ST6GALNAC2: variants seen among roughly 807,000 people sequenced by gnomAD.
ST6GALNAC2 encodes the protein ST6 N-acetylgalactosaminide alpha-2,6-sialyltransferase 2, also known as alpha-N-acetylgalactosaminide alpha-2,6-sialyltransferase 2.
A neutral mutation model predicts 38.7 loss-of-function variants in ST6GALNAC2; 42 were observed. That is an observed-to-expected ratio of 1.09 (90% CI 0.85 to 1.40). The LOEUF is 1.40. Ranked by LOEUF, ST6GALNAC2 falls within the 40% of genes most tolerant of loss-of-function variation. The probability of loss-of-function intolerance (pLI) is 0.00; values close to 1 mark genes in which losing one functional copy is unlikely to be tolerated. For synonymous variants in ST6GALNAC2, 233 were observed against 209.0 expected, an observed-to-expected ratio of 1.11 and a Z score of -0.99; for missense variants, 506 against 481.7, an observed-to-expected ratio of 1.05 and a Z score of -0.47.
intron 1 of ST6GALNAC2, among the ~76,000 whole-genome samples, chr17:76,582,790 C>G (rs2075495431): frequency 6.6e-6 from 1 of 152,146 alleles, no homozygotes; most frequent in Non-Finnish European, 1.5e-5. Flanking sequence ...GCTCATGTGG[C>G]CTGCCGGCTC....
intron 2 of ST6GALNAC2, among the ~76,000 whole-genome samples, chr17:76,575,693 C>T (rs2075408125): frequency 6.6e-6 from 1 of 152,082 alleles, no homozygotes; most frequent in African/African-American, 2.4e-5. Flanking sequence ...AGGAACACAG[C>T]ACCTCTGTAC....
In ST6GALNAC2 at chr17:76,567,526, G is replaced by T; in HGVS notation, c.884C>A (p.Thr295Lys). 1 of 1,613,788 alleles carries T rather than the reference G, an allele frequency of 6.2e-7. No homozygotes were observed. The change falls in exon 8 of 9, where the codon ACA becomes AAA. Residue 295 changes from threonine to lysine, a missense_variant. By Grantham distance (78) the Thr-to-Lys change is moderately conservative (BLOSUM62 -1). Transcript: ENST00000225276. ...ERFLKSKLIN[T>K]HFGDLYMPST... ...AGGCATATATAGGTCTCCAAAATGT[G>T]TGTTAATCAACTTTGATTTCAAGAA...
Position 76,572,625 on chromosome 17 carries a change from C to T in ST6GALNAC2, c.669+12G>A, listed in dbSNP as rs367862563. On this transcript the variant is annotated intron_variant, in intron 5 of 8. Coordinates refer to ENST00000225276, the MANE Select transcript of ST6GALNAC2 (RefSeq NM_006456.3). The stretch of plus-strand genomic sequence containing the variant: ...TTGTCAACCACAATGGCATGCCCGC[C>T]AGAGGCCTCACCTGTCCTTGTGGCA... The T allele has an allele frequency of 1.2e-4, 194 of 1,613,784 alleles. No individual in the cohort carries two copies. The highest frequency in any genetic ancestry group is 1.6e-4 in the Non-Finnish European group (189 of 1,179,962).
intron 7 of ST6GALNAC2, chr17:76,568,262 A>C: frequency 5.7e-6 from 1 of 176,734 alleles, no homozygotes; most frequent in Non-Finnish European, 1.2e-5. Flanking sequence ...CCCTTGTGAC[A>C]ACCCCAGACG....
At chr17:76,572,848 C>T in intron 4 of ST6GALNAC2, 73 bp from the exon 5 acceptor site, 1 of 1,565,146 alleles carries the variant, frequency 6.4e-7, no homozygotes, top group South Asian at 1.1e-5. Context: ...CTCCACGGCT[C>T]TGCCTGGCCT....
intron 5 of ST6GALNAC2, 189 bp from the exon 6 acceptor site, chr17:76,570,857 G>T (rs2075345742): frequency 1.7e-6 from 1 of 572,418 alleles, no homozygotes; most frequent in African/African-American, 1.9e-5. Context: ...GCTCCTTCAG[G>T]AGGTGGCACC....
intron 2 of ST6GALNAC2, among the ~76,000 whole-genome samples, chr17:76,574,923 G>A (rs908599944): frequency 2.6e-4 from 39 of 152,138 alleles, no homozygotes; most frequent in Middle Eastern, 6.8e-3. Flanking sequence ...TGATCCACCC[G>A]CCTCGGCCTC....
rs1053392 is a variant in ST6GALNAC2, at chr17:76,566,087, G to C, written c.*17C>G. The C allele has an allele frequency of 7.9e-3, 12,707 of 1,602,114 alleles. 838 individuals carry two copies. In the African/African-American group the frequency reaches 0.15, roughly 18 times the overall value. ...GGCCGCAACTCTTGAAGAAGCAAAGGGCTCAGTGCATTGGGGTCAGCGCTG... is the reference window on the plus strand; with the variant it reads ...GGCCGCAACTCTTGAAGAAGCAAAGCGCTCAGTGCATTGGGGTCAGCGCTG... On this transcript the variant is annotated 3_prime_UTR_variant, in exon 9 of 9. Coordinates refer to ENST00000225276, the MANE Select transcript of ST6GALNAC2 (RefSeq NM_006456.3).
At position 76,566,030 on chromosome 17, in the gene ST6GALNAC2, TAAA is replaced by T. The variant is rs965203963; in HGVS notation, c.*71_*73del. The T allele has an allele frequency of 8.7e-6, 13 of 1,502,628 alleles. No homozygotes were observed. The highest frequency in any genetic ancestry group is 1.1e-5 in the Non-Finnish European group (12 of 1,115,680). 93.1% of individuals were successfully genotyped at this position (1,502,628 alleles called of 1,614,324 possible). On this transcript the variant is annotated 3_prime_UTR_variant, in exon 9 of 9. Coordinates refer to ENST00000225276, the MANE Select transcript of ST6GALNAC2 (RefSeq NM_006456.3). ...CAAGGGAAGGTGAAGATTGAAAAGT[TAAA>T]AAAGCTTTTGGCCACTTGAGAGGAT...
In ST6GALNAC2 at chr17:76,580,748, A is replaced by C. The variant is rs1445927240; in HGVS notation, c.126-1932T>G. 2.0e-5 allele frequency among the ~76,000 whole-genome samples: 3 copies of C among 151,942 alleles called. No individual in the cohort carries two copies. In the East Asian group the frequency reaches 5.8e-4, roughly 29 times the overall value. On this transcript the variant is annotated intron_variant, in intron 1 of 8. Transcript: ENST00000225276. The stretch of plus-strand genomic sequence containing the variant: ...AAAAAAAAGAGTGAAAGTTTGTCTC[A>C]AAAAGAAAATAAAAGAAAAATGTGT...
rs778272632 is a variant in ST6GALNAC2 at position 76,578,725 on chromosome 17, A to C, written c.186+31T>G. 2.5e-6 allele frequency: 4 copies of C among 1,603,076 alleles called. No homozygotes were observed. In the South Asian group the frequency reaches 3.3e-5, roughly 13 times the overall value. ...CCTCCCCACTAATTTGAGGGTGCTC[A>C]AAACTGCCACAGGGTAGTCGACCAC... On this transcript the variant is annotated intron_variant, in intron 2 of 8. Coordinates refer to ENST00000225276, the MANE Select transcript of ST6GALNAC2 (RefSeq NM_006456.3).
Position 76,567,568 on chromosome 17 carries a change from GAC to G in ST6GALNAC2, c.858-18_858-17del. 1.3e-6 allele frequency: 2 copies of G among 1,559,526 alleles called. No individual in the cohort carries two copies. Among genetic ancestry groups the G allele is most frequent in the Non-Finnish European group, 1.8e-6 (2 of 1,130,488 alleles). On this transcript the variant is annotated splice_polypyrimidine_tract_variant and intron_variant, in intron 7 of 8. Coordinates refer to ENST00000225276, the MANE Select transcript of ST6GALNAC2 (RefSeq NM_006456.3). ...TTTCAAGAACCTGGAAGCAAAAAGA[GAC>G]ATTTCAGCTCACTAGCTTGATGGCT...
At chr17:76,578,200 C>T (rs1426081929) in intron 2 of ST6GALNAC2, among the ~76,000 whole-genome samples, 1 of 152,136 alleles carries the variant, frequency 6.6e-6, no homozygotes, top group Non-Finnish European at 1.5e-5. Flanking sequence ...CTCTTACTAC[C>T]TAAGCGGGGT....
chr17:76,582,164 CTTTTTTTTTTTTTTT>C (rs71158025), intron 1 of ST6GALNAC2, among the ~76,000 whole-genome samples: 2 of 62,060 alleles, frequency 3.2e-5, no homozygotes, highest in South Asian at 1.3e-3. Context: ...CGTGCCCAGC[CTTTTTTTTTTTTTTT>C]TTTTTTTTTT....
chr17:76,574,923 G>T (rs908599944), intron 2 of ST6GALNAC2, among the ~76,000 whole-genome samples: 1 of 152,020 alleles, frequency 6.6e-6, no homozygotes, highest in South Asian at 2.1e-4. Flanking sequence ...TGATCCACCC[G>T]CCTCGGCCTC....
At position 76,566,101 on chromosome 17, in the gene ST6GALNAC2, G is replaced by T. The variant is rs1304593920; in HGVS notation, c.*3C>A. ...AAGAAGCAAAGGGCTCAGTGCATTG[G>T]GGTCAGCGCTGGTACAGCTGAAGGA... On this transcript the variant is annotated 3_prime_UTR_variant, in exon 9 of 9. Coordinates refer to ENST00000225276, the MANE Select transcript of ST6GALNAC2 (RefSeq NM_006456.3). 10 of 1,613,132 alleles carry T rather than the reference G, an allele frequency of 6.2e-6. No homozygotes were observed. The highest frequency in any genetic ancestry group is 1.7e-5 in the Admixed American group (1 of 59,814).
At chr17:76,574,799 G>C (rs950530622) in intron 2 of ST6GALNAC2, among the ~76,000 whole-genome samples, 4 of 151,950 alleles carry the variant, frequency 2.6e-5, no homozygotes, top group East Asian at 1.9e-4. Flanking sequence ...GCCTCAGCCT[G>C]CCGAGTAGCT....
chr17:76,572,826 T>C (rs761824554), intron 4 of ST6GALNAC2, 51 bp from the exon 5 acceptor site: 144 of 1,609,608 alleles, frequency 8.9e-5, no homozygotes, highest in Non-Finnish European at 1.2e-4. Flanking sequence ...AGGCCGTCTG[T>C]TCTGCTTCCA....
At position 76,565,883 on chromosome 17, in the gene ST6GALNAC2, A is replaced by C. The variant is rs1479792130; in HGVS notation, c.*221T>G. On this transcript the variant is annotated 3_prime_UTR_variant, in exon 9 of 9. Transcript: ENST00000225276. ...AAAGCAGTCCATTTTCCCTTGGCCA[A>C]GATTGAGATGTATTGTTTTAGATAC... The C allele has an allele frequency of 8.2e-6, 4 of 490,668 alleles. No homozygotes were observed. The highest frequency in any genetic ancestry group is 1.4e-5 in the Non-Finnish European group (4 of 280,810). 30.4% of individuals were successfully genotyped at this position (490,668 alleles called of 1,614,324 possible).
Sources: allele counts gnomAD v4.1 joint callset (sites outside exome capture counted in the v4.1 genomes callset), GRCh38; gene constraint gnomAD v4.1.1; transcripts MANE v1.5; gene names NCBI Gene and HGNC (gene_info 2026-07-23, HGNC 2026-07-21).